Variants in DGKB observed in about 807,000 individuals in gnomAD.
DGKB encodes diacylglycerol kinase beta.
Under a neutral mutation model 114.3 loss-of-function variants are expected in DGKB, and 67 were observed. The observed-to-expected ratio is 0.59, with a 90% confidence interval of 0.48 to 0.72. The LOEUF (loss-of-function observed/expected upper bound fraction) is 0.72, where lower values mean the gene tolerates loss of function less well. DGKB is among the 30% of genes least tolerant of loss of function. The pLI is 0.00. For synonymous variants in DGKB, 398 were observed against 323.1 expected, an observed-to-expected ratio of 1.23 and a Z score of -2.49; for missense variants, 907 against 975.2, an observed-to-expected ratio of 0.93 and a Z score of 0.93.
intron 20 of DGKB, among the ~76,000 whole-genome samples, chr7:14,517,137 C>G (rs762118087): frequency 1.1e-4 from 17 of 152,046 alleles, no homozygotes; most frequent in Non-Finnish European, 1.9e-4. Context: ...AAATAGAGAT[C>G]TCAGAAATAA....
intron 20 of DGKB, among the ~76,000 whole-genome samples, chr7:14,481,989 C>T (rs894545234): frequency 1.3e-5 from 2 of 151,862 alleles, no homozygotes; most frequent in African/African-American, 4.8e-5. Context: ...CATATTTCTT[C>T]TTATGTGGAC....
intron 23 of DGKB, among the ~76,000 whole-genome samples, chr7:14,261,764 G>T (rs1796813222): frequency 6.6e-6 from 1 of 152,056 alleles, no homozygotes; most frequent in African/African-American, 2.4e-5. Context: ...TGATATTTTT[G>T]AATTTTATAT....
chr7:14,962,618 C>CTGTG (rs369017205), intron 1 of DGKB, among the ~76,000 whole-genome samples: 4 of 140,536 alleles, frequency 2.8e-5, no homozygotes, highest in East Asian at 4.1e-4. Flanking sequence ...ATAGCTATAG[C>CTGTG]TGTGTGTGTG....
chr7:14,940,619 T>A (rs1163122448), intron 1 of DGKB, among the ~76,000 whole-genome samples: 2 of 152,106 alleles, frequency 1.3e-5, no homozygotes, highest in African/African-American at 4.8e-5. Flanking sequence ...CAACCTTTGT[T>A]CTATTAGTTA....
chr7:14,320,850 T>C (rs1807635943), intron 23 of DGKB, among the ~76,000 whole-genome samples: 1 of 152,004 alleles, frequency 6.6e-6, no homozygotes, highest in Non-Finnish European at 1.5e-5. Context: ...GATGACATGA[T>C]AGGAAAAATA....
At chr7:14,956,807 T>C (rs1471114107) in intron 1 of DGKB, among the ~76,000 whole-genome samples, 1 of 151,996 alleles carries the variant, frequency 6.6e-6, no homozygotes, top group African/African-American at 2.4e-5. Flanking sequence ...TGAATTTTTG[T>C]TTGTATCTGA....
chr7:14,368,563 G>A (rs955649967), intron 21 of DGKB, among the ~76,000 whole-genome samples: 1 of 137,468 alleles, frequency 7.3e-6, no homozygotes, highest in Admixed American at 7.7e-5. Flanking sequence ...AGATGCAAAC[G>A]GTATTTTCTC....
chr7:14,203,297 AT>A (rs1786207614), intron 23 of DGKB, among the ~76,000 whole-genome samples: 1 of 151,954 alleles, frequency 6.6e-6, no homozygotes, highest in Admixed American at 6.6e-5. Context: ...GGATTAGTCA[AT>A]AATAAATTGG....
intron 13 of DGKB, among the ~76,000 whole-genome samples, chr7:14,631,425 A>C (rs1809690645): frequency 1.3e-5 from 2 of 152,002 alleles, no homozygotes; most frequent in South Asian, 4.1e-4. Flanking sequence ...CAGAAAATTA[A>C]GGTGTTCAGG....
intron 2 of DGKB, among the ~76,000 whole-genome samples, chr7:14,812,351 T>C (rs763093168): frequency 6.6e-6 from 1 of 152,168 alleles, no homozygotes; most frequent in Non-Finnish European, 1.5e-5. Context: ...TAAAATGGTA[T>C]TGAAGTTTTC....
intron 21 of DGKB, among the ~76,000 whole-genome samples, chr7:14,407,362 G>T (rs907236934): frequency 2.0e-5 from 3 of 152,020 alleles, no homozygotes; most frequent in African/African-American, 7.2e-5. Context: ...ATTGTGTCTC[G>T]TGCTTATCAG....
chr7:14,680,966 G>A (rs113923343), intron 12 of DGKB, among the ~76,000 whole-genome samples: 3,538 of 151,834 alleles, frequency 0.023, 134 homozygotes, highest in African/African-American at 0.08. Context: ...GAGATACAAA[G>A]AAGAAATTAT....
At chr7:14,954,019 A>T (rs1465802285) in intron 1 of DGKB, among the ~76,000 whole-genome samples, 1 of 152,052 alleles carries the variant, frequency 6.6e-6, no homozygotes, top group African/African-American at 2.4e-5. Flanking sequence ...GTGTTTTACT[A>T]AGCCCTCCAG....
chr7:14,331,683 T>C (rs1311758387), intron 23 of DGKB, among the ~76,000 whole-genome samples: 2 of 152,120 alleles, frequency 1.3e-5, no homozygotes, highest in Non-Finnish European at 2.9e-5. Context: ...CCAAAACTCA[T>C]CTTTAAAGAT....
At chr7:14,550,423 G>T (rs984691535) in intron 20 of DGKB, among the ~76,000 whole-genome samples, 3 of 151,984 alleles carry the variant, frequency 2.0e-5, no homozygotes, top group African/African-American at 7.2e-5. Flanking sequence ...TTTTGTGATT[G>T]GTAATTTACT....
chr7:14,649,617 A>G (rs946977441), intron 13 of DGKB, among the ~76,000 whole-genome samples: 17 of 151,618 alleles, frequency 1.1e-4, no homozygotes, highest in Middle Eastern at 3.4e-3. Context: ...CTAACATCAT[A>G]ATGACAGGAT....
At chr7:14,935,000 G>A (rs1785204120) in intron 1 of DGKB, among the ~76,000 whole-genome samples, 2 of 152,146 alleles carry the variant, frequency 1.3e-5, no homozygotes, top group African/African-American at 2.4e-5. Context: ...TACTAACATT[G>A]AGAGAAGCCT....
At chr7:14,808,427 G>A (rs903534137) in intron 2 of DGKB, among the ~76,000 whole-genome samples, 4 of 151,966 alleles carry the variant, frequency 2.6e-5, no homozygotes, top group African/African-American at 9.7e-5. Flanking sequence ...CTTCCTAAAT[G>A]TTCATCATCC....
chr7:14,580,790 C>A, intron 19 of DGKB, 72 bp downstream of exon 19: 5 of 1,071,100 alleles, frequency 4.7e-6, no homozygotes, highest in Non-Finnish European at 6.9e-6. Context: ...TGTTTCTTTT[C>A]TTTTCTTTTT....
Sources: gnomAD v4.1 joint callset for allele counts (sites outside exome capture counted in the v4.1 genomes callset) on GRCh38, gnomAD v4.1.1 for gene constraint, MANE v1.5 for transcripts, NCBI Gene and HGNC (gene_info 2026-07-23, HGNC 2026-07-21) for gene names.